Variants in ZC3HC1 observed in about 807,000 individuals in gnomAD.
ZC3HC1 encodes the protein zinc finger C3HC-type containing 1, also known as zinc finger C3HC-type protein 1.
A neutral mutation model predicts 61.9 loss-of-function variants in ZC3HC1; 38 were observed. That is an observed-to-expected ratio of 0.61 (90% confidence interval 0.47 to 0.81). ZC3HC1 has a LOEUF of 0.81. Among genes scored for constraint, ZC3HC1 ranks in the 30% least tolerant of loss-of-function variants. The pLI is 0.00. For missense variants in ZC3HC1, 554 were observed against 622.7 expected, an observed-to-expected ratio of 0.89 and a Z score of 1.17; for synonymous variants, 213 against 229.9, an observed-to-expected ratio of 0.93 and a Z score of 0.67.
chr7:130,051,264 G>A lies in ZC3HC1; in HGVS notation c.103C>T (p.Leu35=). ...PEGTPQKIRQ[L]IDEGIAPEEG... is the part of the protein sequence containing the mutation. ...TCCGGGGCAATCCCCTCATCTATCA[G>A]CTGCCGGATTTTCTGGGGGGTCCCT... Residue 35 remains leucine (L), a synonymous_variant, in exon 1 of 10, where the codon CTG becomes TTG. Coordinates refer to ENST00000358303, the MANE Select transcript of ZC3HC1 (RefSeq NM_016478.5). The A allele has an allele frequency of 6.2e-7, 1 of 1,611,962 alleles. No homozygotes were observed. Among genetic ancestry groups the A allele is most frequent in the Non-Finnish European group, 8.5e-7 (1 of 1,179,028 alleles).
rs34052360 is a variant in ZC3HC1, at chr7:130,047,638, TACACAC to T, written c.258+1389_258+1394del. Reference sequence around the variant, plus strand: ...CTGGGCAACATAGCAAGACTTTGTCTACACACACACACACACACACACACACACACA... The same window carrying T: ...CTGGGCAACATAGCAAGACTTTGTCTACACACACACACACACACACACACA... On this transcript the variant is annotated intron_variant, in intron 2 of 9. Coordinates refer to ENST00000358303, the MANE Select transcript of ZC3HC1 (RefSeq NM_016478.5). Among the ~76,000 whole-genome samples the T allele has an allele frequency of 6.9e-3, 949 of 138,196 alleles. 15 individuals carry two copies. Among genetic ancestry groups the T allele is most frequent in the African/African-American group, 0.022 (807 of 36,566 alleles). 90.7% of individuals were successfully genotyped at this position (138,196 alleles called of 152,430 possible).
chr7:130,045,948 A>C (rs1794848349), intron 2 of ZC3HC1, among the ~76,000 whole-genome samples: 1 of 151,854 alleles, frequency 6.6e-6, no homozygotes, highest in Non-Finnish European at 1.5e-5. Context: ...TTGAGCTCAC[A>C]ATCTCTTTGA....
chr7:130,033,382 T>C (rs1427392217), intron 4 of ZC3HC1, among the ~76,000 whole-genome samples: 1 of 151,626 alleles, frequency 6.6e-6, no homozygotes, highest in Non-Finnish European at 1.5e-5. Context: ...AGTGGGGTAA[T>C]GGATCTCCTT....
At position 130,023,478 on chromosome 7, in the gene ZC3HC1, G is replaced by A; in HGVS notation, c.1233+33C>T. ...AGGGAGGGCCCAATATGCTGTTTAT[G>A]CTCAGCCACTGCTACATGCGAGGTG... On this transcript the variant is annotated intron_variant, in intron 8 of 9. Coordinates refer to ENST00000358303, the MANE Select transcript of ZC3HC1 (RefSeq NM_016478.5). The surrounding 1 kb of genome is among the most constrained non-coding windows in gnomAD (Gnocchi z 4.2). 2 of 1,607,908 alleles carry A rather than the reference G, an allele frequency of 1.2e-6. No homozygotes were observed. Among genetic ancestry groups the A allele is most frequent in the South Asian group, 1.1e-5 (1 of 90,758 alleles).
intron 4 of ZC3HC1, 176 bp downstream of exon 4, chr7:130,039,288 G>A: frequency 1.7e-6 from 1 of 599,416 alleles, no homozygotes; most frequent in Non-Finnish European, 2.9e-6. Context: ...AGGTTGCAGT[G>A]AGCCAAGATC....
intron 4 of ZC3HC1, among the ~76,000 whole-genome samples, chr7:130,038,298 T>C (rs1050129645): frequency 1.3e-5 from 2 of 152,212 alleles, no homozygotes; most frequent in South Asian, 2.1e-4. Context: ...ACTTCAGTGC[T>C]GCTGTGATAG....
chr7:130,022,377 A>G lies in ZC3HC1; in HGVS notation c.1382T>C (p.Val461Ala). ...SAPAEPGWKA[V>A]LTILLAHKQS... The stretch of plus-strand genomic sequence containing the variant: ...TTTGTGCGCCAAGAGGATGGTCAGC[A>G]CTGCTTTCCAGCCTGGCTCTGCTGG... The change falls in exon 9 of 10, where the codon GTG becomes GCG. Residue 461 changes from valine (V) to alanine (A), a missense_variant. Physicochemically the swap from Val to Ala is moderately conservative, Grantham distance 64. Transcript: ENST00000358303. The G allele has an allele frequency of 2.5e-6, 4 of 1,614,024 alleles. No individual in the cohort carries two copies. The highest frequency in any genetic ancestry group is 3.4e-6 in the Non-Finnish European group (4 of 1,179,980).
chr7:130,018,648 A>G lies in ZC3HC1; in HGVS notation c.*16T>C, dbSNP rs1430424302. On this transcript the variant is annotated 3_prime_UTR_variant, in exon 10 of 10. Coordinates refer to ENST00000358303, the MANE Select transcript of ZC3HC1 (RefSeq NM_016478.5). ...ACTCTCATTCCAGCTATCTCCAGGA[A>G]GGCGCTGGAGTATCTTCAGCATGAG... 6.3e-7 allele frequency: 1 copy of G among 1,592,542 alleles called. No individual in the cohort carries two copies. The highest frequency in any genetic ancestry group is 8.6e-7 in the Non-Finnish European group (1 of 1,164,024).
chr7:130,031,282 G>A (rs111489627), intron 4 of ZC3HC1, among the ~76,000 whole-genome samples: 34,597 of 139,996 alleles, frequency 0.25, 4,234 homozygotes, highest in Middle Eastern at 0.26. Flanking sequence ...CTGAGATTGC[G>A]CCATTGCACT....
intron 4 of ZC3HC1, among the ~76,000 whole-genome samples, chr7:130,038,398 C>T (rs994204953): frequency 1.3e-5 from 2 of 152,212 alleles, no homozygotes; most frequent in Admixed American, 1.3e-4. Flanking sequence ...CCCTGTTTAA[C>T]TTCCACCATT....
At chr7:130,048,451 G>A (rs1245764429) in intron 2 of ZC3HC1, among the ~76,000 whole-genome samples, 2 of 152,136 alleles carry the variant, frequency 1.3e-5, no homozygotes, top group African/African-American at 2.4e-5. Flanking sequence ...ACTCAGCTAA[G>A]CCATGCCTGG....
chr7:130,031,324 CAAA>C (rs71956602), intron 4 of ZC3HC1, among the ~76,000 whole-genome samples: 1 of 111,302 alleles, frequency 9.0e-6, no homozygotes, highest in Non-Finnish European at 1.7e-5. Flanking sequence ...AACTCCATCT[CAAA>C]AAAAAAAAAA....
At chr7:130,027,602 C>T (rs548138248) in intron 5 of ZC3HC1, among the ~76,000 whole-genome samples, 1 of 152,074 alleles carries the variant, frequency 6.6e-6, no homozygotes, top group African/African-American at 2.4e-5. Context: ...TCACTGCAAC[C>T]TGTCTCCCAG....
At chr7:130,034,528 T>C in intron 4 of ZC3HC1, among the ~76,000 whole-genome samples, 1 of 147,646 alleles carries the variant, frequency 6.8e-6, no homozygotes. Context: ...AGGGTCTTGC[T>C]CTGTCATGCA....
intron 5 of ZC3HC1, among the ~76,000 whole-genome samples, chr7:130,028,370 C>T (rs1038218718): frequency 8.6e-5 from 13 of 151,276 alleles, no homozygotes; most frequent in African/African-American, 1.5e-4. Context: ...GGTGAAACCC[C>T]GTCTCTACTA....
chr7:130,040,839 T>C (rs1794628046), intron 3 of ZC3HC1, 112 bp downstream of exon 3: 9 of 1,147,842 alleles, frequency 7.8e-6, no homozygotes, highest in Non-Finnish European at 9.8e-6. Context: ...AAAAAAAAGA[T>C]TGAAGTACGC....
At chr7:130,043,592 A>G (rs1794760433) in intron 2 of ZC3HC1, 1 of 189,192 alleles carries the variant, frequency 5.3e-6, no homozygotes, top group African/African-American at 2.3e-5. Context: ...TCAAGATTTA[A>G]TGCAAGAAAT....
chr7:130,043,824 G>C (rs749964084), intron 2 of ZC3HC1: 4 of 455,444 alleles, frequency 8.8e-6, no homozygotes, highest in Non-Finnish European at 1.8e-5. Flanking sequence ...ATGCAAGAAA[G>C]GATGGCAGCA....
intron 1 of ZC3HC1, among the ~76,000 whole-genome samples, chr7:130,050,741 TA>T (rs1658564807): frequency 6.6e-6 from 1 of 152,200 alleles, no homozygotes; most frequent in African/African-American, 2.4e-5. Flanking sequence ...TACTACTAGA[TA>T]TTATGGACTC....
Sources: gnomAD v4.1 joint callset for allele counts (sites outside exome capture counted in the v4.1 genomes callset) on GRCh38, gnomAD v4.1.1 for gene constraint, Gnocchi (gnomAD v3.1) non-coding constraint, MANE v1.5 for transcripts, NCBI Gene and HGNC (gene_info 2026-07-23, HGNC 2026-07-21) for gene names.